The following RBKS variants were observed in gnomAD, a reference collection of about 807,000 sequenced individuals.
The protein encoded by RBKS is ribokinase.
A neutral mutation model predicts 33.9 loss-of-function variants in RBKS; 33 were observed. That is an observed-to-expected ratio of 0.97 (90% CI 0.74 to 1.30). RBKS has a LOEUF of 1.30. RBKS is among the 50% of genes most tolerant of loss of function. The pLI is 0.00. For synonymous variants in RBKS, 125 were observed against 143.0 expected, an observed-to-expected ratio of 0.87 and a Z score of 0.90; for missense variants, 361 against 392.6, an observed-to-expected ratio of 0.92 and a Z score of 0.68.
In RBKS at chr2:27,801,977, T is replaced by A. The variant is rs1450987020; in HGVS notation, c.796-20189A>T. On this transcript the variant is annotated intron_variant, in intron 7 of 7. Coordinates refer to ENST00000302188, the MANE Select transcript of RBKS (RefSeq NM_022128.3). ...AAAAAAAAAAAAATATATATATATA[T>A]ATATATATATATATATTTTTTTTTT... Among the ~76,000 whole-genome samples, 23 of 96,762 alleles carry A rather than the reference T, an allele frequency of 2.4e-4. 1 individual carries two copies. The highest frequency in any genetic ancestry group is 7.9e-4 in the African/African-American group (18 of 22,920). 63.5% of individuals were successfully genotyped at this position (96,762 alleles called of 152,430 possible). A position where few individuals can be genotyped will look rare whatever the true frequency, so the allele number is the denominator to read the frequency against.
At chr2:27,838,897 A>C (rs1663387495) in intron 5 of RBKS, among the ~76,000 whole-genome samples, 1 of 152,212 alleles carries the variant, frequency 6.6e-6, no homozygotes, top group South Asian at 2.1e-4. Context: ...CAATAATGTC[A>C]ATAAGGAACT....
chr2:27,782,693 AG>A (rs1677311609), intron 7 of RBKS: 1 of 419,330 alleles, frequency 2.4e-6, no homozygotes, highest in Non-Finnish European at 5.2e-6. Flanking sequence ...CACCTGGCTA[AG>A]GTAGTCTTTG....
At chr2:27,796,212 A>G (rs984453656) in intron 7 of RBKS, among the ~76,000 whole-genome samples, 1 of 147,988 alleles carries the variant, frequency 6.8e-6, no homozygotes, top group Non-Finnish European at 1.5e-5. Context: ...AACTATTTTT[A>G]TACACTGGTA....
At chr2:27,808,536 G>A (rs1451455620) in intron 7 of RBKS, among the ~76,000 whole-genome samples, 1 of 152,158 alleles carries the variant, frequency 6.6e-6, no homozygotes, top group Non-Finnish European at 1.5e-5. Context: ...TCACAGGTTG[G>A]TGCCATGGAC....
intron 7 of RBKS, among the ~76,000 whole-genome samples, chr2:27,803,804 T>C (rs1462701312): frequency 1.3e-5 from 2 of 152,106 alleles, no homozygotes. Flanking sequence ...CCCAGCACTT[T>C]GGGAAGCCAA....
intron 1 of RBKS, chr2:27,861,505 A>G (rs1422242808): frequency 6.4e-6 from 3 of 471,064 alleles, no homozygotes; most frequent in African/African-American, 4.0e-5. Context: ...TCATTCATGC[A>G]CTAATTCAAC....
chr2:27,814,746 T>C (rs1395926069), intron 7 of RBKS, among the ~76,000 whole-genome samples: 2 of 152,208 alleles, frequency 1.3e-5, no homozygotes, highest in Admixed American at 1.3e-4. Flanking sequence ...GAGCATCTCT[T>C]AGGGGAGATG....
intron 1 of RBKS, 146 bp from the exon 2 acceptor site, chr2:27,858,717 T>G: frequency 8.5e-5 from 57 of 668,116 alleles, no homozygotes; most frequent in Non-Finnish European, 1.1e-4. Context: ...AGATTATCTC[T>G]TCCTTTAGGA....
intron 1 of RBKS, among the ~76,000 whole-genome samples, chr2:27,865,571 CTTTTT>C (rs5830052): frequency 3.1e-5 from 2 of 63,942 alleles, no homozygotes; most frequent in African/African-American, 5.0e-5. Flanking sequence ...TCTCCTCCTC[CTTTTT>C]TTTTTTTTTT....
At chr2:27,799,185 A>T (rs1677726849) in intron 7 of RBKS, among the ~76,000 whole-genome samples, 1 of 152,246 alleles carries the variant, frequency 6.6e-6, no homozygotes, top group Non-Finnish European at 1.5e-5. Flanking sequence ...TCCAGTTGAT[A>T]GAAAAGGGGA....
Position 27,890,223 on chromosome 2 carries a change from G to T in RBKS, c.89+34C>A. 6.2e-7 allele frequency: 1 copy of T among 1,602,290 alleles called. No homozygotes were observed. Among genetic ancestry groups the T allele is most frequent in the South Asian group, 1.1e-5 (1 of 90,692 alleles). On this transcript the variant is annotated intron_variant, in intron 1 of 7. Transcript: ENST00000302188. This position sits in a 1 kb window ranked among gnomAD's most constrained non-coding sequence, Gnocchi z 4.8. ...TAGCGCACGGCACGCCTCCTCCCCC[G>T]AGCCGCAGACTGAGTAACTGGCCCC...
At chr2:27,820,549 TTC>T (rs10534268) in intron 7 of RBKS, among the ~76,000 whole-genome samples, 4,957 of 147,602 alleles carry the variant, frequency 0.034, 259 homozygotes, top group African/African-American at 0.11. Flanking sequence ...AGATTTACTA[TTC>T]TCTCTCTCTC....
At chr2:27,822,897 T>C (rs1300761690) in intron 7 of RBKS, among the ~76,000 whole-genome samples, 2 of 152,314 alleles carry the variant, frequency 1.3e-5, no homozygotes, top group South Asian at 2.1e-4. Context: ...TTCTTGAGAG[T>C]GTTATTGTAG....
chr2:27,870,912 A>T (rs539347929), intron 1 of RBKS: 84 of 456,978 alleles, frequency 1.8e-4, no homozygotes, highest in Non-Finnish European at 3.2e-4. Context: ...ATTACACAAA[A>T]CAAGCATTGT....
At position 27,890,200 on chromosome 2, in the gene RBKS, G is replaced by A; in HGVS notation, c.89+57C>T. The A allele has an allele frequency of 6.5e-7, 1 of 1,546,622 alleles. No homozygotes were observed. Among genetic ancestry groups the A allele is most frequent in the Non-Finnish European group, 8.9e-7 (1 of 1,124,554 alleles). ...GCCCAAAAGCTCCACTGGGCGCATA[G>A]CGCACGGCACGCCTCCTCCCCCGAG... On this transcript the variant is annotated intron_variant, in intron 1 of 7. Transcript: ENST00000302188. This position sits in a 1 kb window ranked among gnomAD's most constrained non-coding sequence, Gnocchi z 4.8.
At chr2:27,883,510 G>A (rs1025286253) in intron 1 of RBKS, among the ~76,000 whole-genome samples, 3 of 151,804 alleles carry the variant, frequency 2.0e-5, no homozygotes. Context: ...CCTAACTGCA[G>A]TATTCTTAGT....
At chr2:27,846,684 C>T (rs1663626983) in intron 4 of RBKS, among the ~76,000 whole-genome samples, 2 of 152,120 alleles carry the variant, frequency 1.3e-5, no homozygotes, top group African/African-American at 4.8e-5. Flanking sequence ...ATATACTTAC[C>T]TAGTGTAACT....
chr2:27,803,325 G>A (rs193098169), intron 7 of RBKS, among the ~76,000 whole-genome samples: 1 of 152,204 alleles, frequency 6.6e-6, no homozygotes, highest in East Asian at 1.9e-4. Context: ...AAATCTGTAG[G>A]GAACATGACA....
At chr2:27,827,897 AAAAT>A in intron 6 of RBKS, 142 bp from the exon 7 acceptor site, 1 of 639,936 alleles carries the variant, frequency 1.6e-6, no homozygotes, top group Non-Finnish European at 2.5e-6. Context: ...CTGGTACAGG[AAAAT>A]AAATAAAGCA....
Sources: gnomAD v4.1 joint callset for allele counts (sites outside exome capture counted in the v4.1 genomes callset) on GRCh38, gnomAD v4.1.1 for gene constraint, Gnocchi (gnomAD v3.1) non-coding constraint, MANE v1.5 for transcripts, NCBI Gene and HGNC (gene_info 2026-07-23, HGNC 2026-07-21) for gene names.